The following BICC1 variants were observed in gnomAD, a reference collection of about 807,000 sequenced individuals.
The protein encoded by BICC1 is BicC family RNA binding protein 1, also known as protein bicaudal C homolog 1.
Under a neutral mutation model 111.0 loss-of-function variants are expected in BICC1, and 43 were observed. That is an observed-to-expected ratio of 0.39 (90% CI 0.30 to 0.50). The LOEUF (loss-of-function observed/expected upper bound fraction) is 0.50, where lower values mean the gene tolerates loss of function less well. Ranked by LOEUF, BICC1 falls within the 20% of genes least tolerant of loss-of-function variation. BICC1 has a pLI of 0.88. For synonymous variants in BICC1, 467 were observed against 434.4 expected, an observed-to-expected ratio of 1.07 and a Z score of -0.93; for missense variants, 1,091 against 1,203.2, an observed-to-expected ratio of 0.91 and a Z score of 1.38.
intron 1 of BICC1, among the ~76,000 whole-genome samples, chr10:58,610,487 A>G (rs1845381372): frequency 6.6e-6 from 1 of 152,168 alleles, no homozygotes; most frequent in Non-Finnish European, 1.5e-5. Context: ...AATCTTTCTA[A>G]TTCTTATTCT....
intron 3 of BICC1, among the ~76,000 whole-genome samples, chr10:58,704,767 A>G (rs1389920604): frequency 6.6e-6 from 1 of 152,224 alleles, no homozygotes; most frequent in South Asian, 2.1e-4. Context: ...TGGAATATAC[A>G]CATAATCCCC....
At chr10:58,733,702 A>G (rs552071478) in intron 3 of BICC1, among the ~76,000 whole-genome samples, 2 of 152,332 alleles carry the variant, frequency 1.3e-5, no homozygotes, top group East Asian at 3.9e-4. Flanking sequence ...AATCAATCAC[A>G]TGGCTAATTG....
intron 2 of BICC1, among the ~76,000 whole-genome samples, chr10:58,652,229 G>A (rs1838471420): frequency 6.6e-6 from 1 of 152,002 alleles, no homozygotes; most frequent in Admixed American, 6.6e-5. Flanking sequence ...TTTTTCAAAT[G>A]CAGCTGAAAT....
chr10:58,732,959 CT>C (rs1453038154), intron 3 of BICC1, among the ~76,000 whole-genome samples: 2 of 151,988 alleles, frequency 1.3e-5, no homozygotes, highest in East Asian at 1.9e-4. Context: ...GAGCACATTG[CT>C]TTTGGAAAAA....
intron 1 of BICC1, among the ~76,000 whole-genome samples, chr10:58,592,875 CAAAAAAAAAAA>C (rs969508229): frequency 2.1e-5 from 1 of 46,650 alleles, no homozygotes; most frequent in Non-Finnish European, 3.8e-5. Context: ...GACTCCGTCT[CAAAAAAAAAAA>C]AAAAAAAAAA....
rs1275180264 is a variant in BICC1 at position 58,813,855 on chromosome 10, C to G, written c.2402C>G (p.Ser801Cys). The G allele has an allele frequency of 3.7e-6, 6 of 1,613,884 alleles. No homozygotes were observed. Among genetic ancestry groups the G allele is most frequent in the Non-Finnish European group, 5.1e-6 (6 of 1,179,860 alleles). Residue 801 changes from serine (S) to cysteine (C), a missense_variant, in exon 18 of 21, where the codon TCC becomes TGC. By Grantham distance (112) the Ser-to-Cys change is moderately radical (BLOSUM62 -1). This residue lies in a region of BICC1 where 231 missense variants were observed against 256.2 expected (regional missense o/e 0.90). Transcript: ENST00000373886. ...YEGSSMSLSRSNSREHLGGGS... is the reference protein window; with the variant it reads ...YEGSSMSLSRCNSREHLGGGS... ...GGCTCATCCATGTCCCTTTCACGGT[C>G]CAACAGTCGTGAGCACTTGGGAGGT...
intron 20 of BICC1, chr10:58,823,549 A>G: frequency 2.0e-6 from 2 of 984,142 alleles, no homozygotes; most frequent in Non-Finnish European, 2.4e-6. Flanking sequence ...GATCTAGCTG[A>G]TGTGTCTTTT....
chr10:58,638,342 A>C (rs1043325164), intron 2 of BICC1, among the ~76,000 whole-genome samples: 9 of 152,202 alleles, frequency 5.9e-5, no homozygotes, highest in African/African-American at 2.2e-4. Flanking sequence ...TTTGAAAAAA[A>C]CAGCTTAAAA....
At position 58,747,034 on chromosome 10, in the gene BICC1, C is replaced by G. The variant is rs189423207; in HGVS notation, c.308-37967C>G. ...AGAAACCAAGTGATTTATCATGGCTCATGTCAGCTGCTGAGGTTCACGGGA... is the reference window on the plus strand; with the variant it reads ...AGAAACCAAGTGATTTATCATGGCTGATGTCAGCTGCTGAGGTTCACGGGA... On this transcript the variant is annotated intron_variant, in intron 3 of 20. Coordinates refer to ENST00000373886, the MANE Select transcript of BICC1 (RefSeq NM_001080512.3). Among the ~76,000 whole-genome samples, 9 of 152,258 alleles carry G rather than the reference C, an allele frequency of 5.9e-5. No individual in the cohort carries two copies. The East Asian group carries it at 1.5e-3, about 26-fold the overall frequency.
chr10:58,801,053 A>G lies in BICC1; in HGVS notation c.2015+7A>G, dbSNP rs1269629789. The G allele has an allele frequency of 1.3e-6, 2 of 1,584,590 alleles. No homozygotes were observed. The highest frequency in any genetic ancestry group is 1.4e-5 in the African/African-American group (1 of 73,408). The stretch of plus-strand genomic sequence containing the variant: ...CGAAAAACTCACACTTACAGTATGT[A>G]TTTTAATCTTTAAAGAGCCCTTGAT... On this transcript the variant is annotated splice_region_variant and intron_variant, in intron 14 of 20. Transcript: ENST00000373886.
chr10:58,564,619 T>A (rs1332519698), intron 1 of BICC1, among the ~76,000 whole-genome samples: 1 of 152,202 alleles, frequency 6.6e-6, no homozygotes, highest in African/African-American at 2.4e-5. Context: ...CCTTGTTCAT[T>A]GTTATGGAGG....
At chr10:58,804,056 A>T (rs560170827) in intron 15 of BICC1, among the ~76,000 whole-genome samples, 152 of 152,330 alleles carry the variant, frequency 1.0e-3, no homozygotes, top group African/African-American at 3.5e-3. Context: ...TGTCAAAGAA[A>T]TTAATTCATG....
At chr10:58,757,940 G>T (rs1027747485) in intron 3 of BICC1, among the ~76,000 whole-genome samples, 1 of 152,232 alleles carries the variant, frequency 6.6e-6, no homozygotes, top group African/African-American at 2.4e-5. Flanking sequence ...AGGGGAAGAT[G>T]CATTTCCTAT....
At chr10:58,814,367 C>T (rs560523505) in intron 18 of BICC1, 8 of 514,498 alleles carry the variant, frequency 1.6e-5, no homozygotes, top group East Asian at 6.6e-5. Context: ...TCTTCCCAAA[C>T]GCCTAGTGAA....
chr10:58,642,375 A>C (rs1478564646), intron 2 of BICC1, among the ~76,000 whole-genome samples: 5 of 151,988 alleles, frequency 3.3e-5, no homozygotes, highest in African/African-American at 1.2e-4. Context: ...TTAAATCTCT[A>C]TGTGTTGTGT....
At chr10:58,529,884 A>C (rs1842636078) in intron 1 of BICC1, among the ~76,000 whole-genome samples, 3 of 151,914 alleles carry the variant, frequency 2.0e-5, no homozygotes. Flanking sequence ...ACTGGGCTTT[A>C]GCAACAAAAC....
At chr10:58,686,753 T>C (rs532506882) in intron 2 of BICC1, among the ~76,000 whole-genome samples, 1 of 152,328 alleles carries the variant, frequency 6.6e-6, no homozygotes, top group East Asian at 1.9e-4. Context: ...CTGTTTATTC[T>C]AGTTAGCCAT....
In BICC1 at chr10:58,666,238, C is replaced by T. The variant is rs145358224; in HGVS notation, c.238-35836C>T. On this transcript the variant is annotated intron_variant, in intron 2 of 20. Coordinates refer to ENST00000373886, the MANE Select transcript of BICC1 (RefSeq NM_001080512.3). ...AGAAAGAGTGAGATTGGTTACAGCT[C>T]GGCATTTGCCTTGTTTGAACACAGG... 1.8e-4 allele frequency among the ~76,000 whole-genome samples: 28 copies of T among 152,276 alleles called. No homozygotes were observed. The East Asian group carries it at 4.6e-3, about 25-fold the overall frequency.
chr10:58,730,763 G>C (rs369128017), intron 3 of BICC1, among the ~76,000 whole-genome samples: 1 of 152,124 alleles, frequency 6.6e-6, no homozygotes, highest in Non-Finnish European at 1.5e-5. Flanking sequence ...GTCCTGAGTG[G>C]TACCTTTGCT....
Sources: allele counts gnomAD v4.1 joint callset (sites outside exome capture counted in the v4.1 genomes callset), GRCh38; gene constraint gnomAD v4.1.1; regional missense constraint gnomAD v4.1.1; transcripts MANE v1.5; gene names NCBI Gene and HGNC (gene_info 2026-07-23, HGNC 2026-07-21).